The following SHC1 variants were observed in gnomAD, a reference collection of about 807,000 sequenced individuals.
SHC1 encodes SHC adaptor protein 1.
A neutral mutation model predicts 55.9 loss-of-function variants in SHC1; 30 were observed. The ratio of observed to expected loss-of-function variants is 0.54; its 90% confidence interval spans 0.40 to 0.73. The LOEUF (loss-of-function observed/expected upper bound fraction) is 0.73. Among genes scored for constraint, SHC1 ranks in the 30% least tolerant of loss-of-function variants. The pLI is 0.00. For missense variants in SHC1, 675 were observed against 777.1 expected (o/e 0.87, Z 1.56); for synonymous variants, 309 against 306.1 (o/e 1.01, Z -0.10).
intron 2 of SHC1, 44 bp downstream of exon 2, chr1:154,969,334 T>A: frequency 7.3e-7 from 1 of 1,376,386 alleles, no homozygotes; most frequent in Non-Finnish European, 1.0e-6. Context: ...TCCCATGGCC[T>A]CACTAATCCC....
chr1:154,968,618 A>C lies in SHC1; in HGVS notation c.631-4T>G, dbSNP rs553585092. On this transcript the variant is annotated splice_polypyrimidine_tract_variant and splice_region_variant and intron_variant, in intron 3 of 11. Coordinates refer to ENST00000448116, the MANE Select transcript of SHC1 (RefSeq NM_001130040.2). Reference sequence around the variant, plus strand: ...AGCTGAGCGGGCGGCTACAGGGCTAAGGTAGGGCCCAGGGTCTCAGAAGGT... The same window carrying C: ...AGCTGAGCGGGCGGCTACAGGGCTACGGTAGGGCCCAGGGTCTCAGAAGGT... 8.7e-6 allele frequency: 14 copies of C among 1,614,068 alleles called. No homozygotes were observed. The African/African-American group carries it at 1.9e-4, about 22-fold the overall frequency.
At chr1:154,972,164 G>A (rs573096626), upstream of SHC1, among the ~76,000 whole-genome samples, 6 of 151,464 alleles carry the variant, frequency 4.0e-5, no homozygotes, top group South Asian at 1.0e-3. Context: ...AGAATCGCTC[G>A]AACCCAGGAG....
At chr1:154,966,879 G>C (rs1318291439) in intron 7 of SHC1, among the ~76,000 whole-genome samples, 1 of 152,178 alleles carries the variant, frequency 6.6e-6, no homozygotes, top group Non-Finnish European at 1.5e-5. Flanking sequence ...AAGGAGGGAG[G>C]GTTGTTTGAG....
chr1:154,973,026 A>G (rs1443288629), upstream of SHC1, among the ~76,000 whole-genome samples: 4 of 152,262 alleles, frequency 2.6e-5, 1 homozygote, highest in South Asian at 8.3e-4. Context: ...CATGCCACAC[A>G]CCAACAAATC....
In SHC1 at chr1:154,963,741, GAGTT is replaced by G; in HGVS notation, c.*58_*61del. Reference sequence around the variant, plus strand: ...AGAACACTCCCAAACGAGGTCCCGAGAGTTAGGGAATAGGGTGGAAAGGATTGGA... The same window carrying G: ...AGAACACTCCCAAACGAGGTCCCGAGAGGGAATAGGGTGGAAAGGATTGGA... On this transcript the variant is annotated 3_prime_UTR_variant, in exon 12 of 12. Coordinates refer to ENST00000448116, the MANE Select transcript of SHC1 (RefSeq NM_001130040.2). 6.3e-7 allele frequency: 1 copy of G among 1,583,016 alleles called. No individual in the cohort carries two copies. The highest frequency in any genetic ancestry group is 8.7e-7 in the Non-Finnish European group (1 of 1,155,938).
rs748533877 is a variant in SHC1 at position 154,965,792 on chromosome 1, AGAGG to A, written c.1388-15_1388-12del. ...CATCTTCGAAGGGCTCTGGAAGTATAGAGGGAGGGTGAGGGGAAGTAGCAGGCAC... is the reference window on the plus strand; with the variant it reads ...CATCTTCGAAGGGCTCTGGAAGTATAGAGGGTGAGGGGAAGTAGCAGGCAC... On this transcript the variant is annotated splice_polypyrimidine_tract_variant and intron_variant, in intron 10 of 11. Coordinates refer to ENST00000448116, the MANE Select transcript of SHC1 (RefSeq NM_001130040.2). The A allele has an allele frequency of 6.2e-7, 1 of 1,605,546 alleles. No individual in the cohort carries two copies. Among genetic ancestry groups the A allele is most frequent in the Non-Finnish European group, 8.5e-7 (1 of 1,173,402 alleles).
At position 154,963,791 on chromosome 1, in the gene SHC1, C is replaced by T. The variant is rs779768292; in HGVS notation, c.*12G>A. 19 of 1,612,996 alleles carry T rather than the reference C, an allele frequency of 1.2e-5. No homozygotes were observed. Among genetic ancestry groups the T allele is most frequent in the East Asian group, 2.2e-5 (1 of 44,892 alleles). ...TTGGAGGGCATCTTCTGGAAGAGAG[C>T]GCTAGGGCAGATCACAGTTTCCGCT... On this transcript the variant is annotated 3_prime_UTR_variant, in exon 12 of 12. Transcript: ENST00000448116.
rs554456030 is a variant in SHC1 at position 154,968,600 on chromosome 1, C to T, written c.645G>A (p.Pro215=). The T allele has an allele frequency of 3.0e-5, 49 of 1,613,960 alleles. No individual in the cohort carries two copies. Among genetic ancestry groups the T allele is most frequent in the East Asian group, 1.8e-4 (8 of 44,894 alleles). Residue 215 remains proline (P), a synonymous_variant, in exon 4 of 12, where the codon CCG becomes CCA. Transcript: ENST00000448116. Reference sequence around the variant, plus strand: ...TACTCCTCCCCAGGATAGAGCTGAGCGGGCGGCTACAGGGCTAAGGTAGGG... The same window carrying T: ...TACTCCTCCCCAGGATAGAGCTGAGTGGGCGGCTACAGGGCTAAGGTAGGG... The part of the protein sequence containing the change: ...ATRRRKPCSR[P]LSSILGRSNL...
At chr1:154,964,034 G>C (rs1343443672) in intron 11 of SHC1, 103 bp from the exon 12 acceptor site, 2 of 1,284,552 alleles carry the variant, frequency 1.6e-6, no homozygotes, top group Non-Finnish European at 2.3e-6. Flanking sequence ...CTTGAAGGAG[G>C]AGAAAAAAAT....
At chr1:154,972,863 T>C (rs1417651751), upstream of SHC1, among the ~76,000 whole-genome samples, 2 of 151,086 alleles carry the variant, frequency 1.3e-5, no homozygotes, top group Non-Finnish European at 2.9e-5. Flanking sequence ...AGACAAGAAC[T>C]CTGGTTAGGG....
At chr1:154,974,260 G>A, upstream of SHC1, 1 of 220,254 alleles carries the variant, frequency 4.5e-6, no homozygotes, top group South Asian at 5.4e-5. Context: ...GGGCCTCATG[G>A]AGTCTCCGCA....
intron 1 of SHC1, 49 bp from the exon 2 acceptor site, chr1:154,969,497 G>A (rs1221051004): frequency 7.7e-7 from 1 of 1,293,894 alleles, no homozygotes; most frequent in Admixed American, 1.7e-5. Flanking sequence ...CCCCACCCCA[G>A]CCCCTTCACA....
chr1:154,966,423 AG>A lies in SHC1; in HGVS notation c.1077del (p.Leu360TrpfsTer5). The A allele has an allele frequency of 6.2e-7, 1 of 1,612,750 alleles. No homozygotes were observed. The highest frequency in any genetic ancestry group is 8.5e-7 in the Non-Finnish European group (1 of 1,179,014). On this transcript the variant is annotated frameshift_variant, in exon 8 of 12. Transcript: ENST00000448116. LOFTEE classifies it high-confidence loss of function. ...AGCCTCATGTCTACCACCCCCCCCA[AG>A]GGGGGTTCCTTCCCCGGGAAGTCAT... Reference protein sequence around the residue: ...YYNDFPGKEPPLGGVVDMRLR... With the variant: ...YYNDFPGKEPXLGGVVDMRLR...
At position 154,970,644 on chromosome 1, in the gene SHC1, T is replaced by C; in HGVS notation, c.-118A>G. 1 of 656,820 alleles carries C rather than the reference T, an allele frequency of 1.5e-6. No individual in the cohort carries two copies. Among genetic ancestry groups the C allele is most frequent in the Non-Finnish European group, 2.6e-6 (1 of 381,638 alleles). 40.7% of individuals were successfully genotyped at this position (656,820 alleles called of 1,614,324 possible). A position where few individuals can be genotyped will look rare whatever the true frequency, so the allele number is the denominator to read the frequency against. On this transcript the variant is annotated 5_prime_UTR_variant, in exon 1 of 12. Transcript: ENST00000448116. This position sits in a 1 kb window ranked among gnomAD's most constrained non-coding sequence, Gnocchi z 5.5. ...TGGTTGGACCTCTGTGGCCCAGGAG[T>C]CACAGAAGTCCTGGGGAGGGAGAGG... is the stretch of plus-strand genomic sequence containing the variant.
In SHC1 at chr1:154,970,309, G is replaced by A. The variant is rs145849505; in HGVS notation, c.218C>T (p.Pro73Leu). The change falls in exon 1 of 12, where the codon CCG (proline) becomes CTG (leucine). Residue 73 changes from proline (P) to leucine (L), a missense_variant. Transcript: ENST00000448116. The surrounding 1 kb of genome is among the most constrained non-coding windows in gnomAD (Gnocchi z 5.5). ...CTTAGACCCTGGGCGCCCCCCAGCC[G>A]GGTTGGCCAGCCTCAGGTTGCTCAT... ...PRMSNLRLAN[P>L]AGGRPGSKGE... The A allele has an allele frequency of 1.5e-5, 24 of 1,604,932 alleles. No individual in the cohort carries two copies. The African/African-American group carries it at 2.3e-4, about 15-fold the overall frequency.
Position 154,970,508 on chromosome 1 carries a change from T to G in SHC1, c.19A>C (p.Lys7Gln), listed in dbSNP as rs1363296329. Residue 7 changes from lysine to glutamine, a missense_variant, in exon 1 of 12, where the codon AAG (lysine) becomes CAG (glutamine). Coordinates refer to ENST00000448116, the MANE Select transcript of SHC1 (RefSeq NM_001130040.2). This position sits in a 1 kb window ranked among gnomAD's most constrained non-coding sequence, Gnocchi z 5.5. ...TTCCGGAGTGGATTGTACTTGGGCTTGGGGGGCAGGAGATCCATAGTTGAG... is the reference window on the plus strand; with the variant it reads ...TTCCGGAGTGGATTGTACTTGGGCTGGGGGGGCAGGAGATCCATAGTTGAG... MDLLPP[K>Q]PKYNPLRNES... 1.9e-6 allele frequency: 3 copies of G among 1,608,188 alleles called. No homozygotes were observed. Among genetic ancestry groups the G allele is most frequent in the Non-Finnish European group, 2.5e-6 (3 of 1,177,948 alleles).
At chr1:154,966,298 G>A (rs188477253) in intron 8 of SHC1, 21 bp downstream of exon 8, 85 of 1,612,322 alleles carry the variant, frequency 5.3e-5, no homozygotes, top group South Asian at 8.8e-5. Flanking sequence ...GCCCCAGCCC[G>A]CCTCCATCCA....
At position 154,970,276 on chromosome 1, in the gene SHC1, G is replaced by A. The variant is rs948488684; in HGVS notation, c.251C>T (p.Pro84Leu). Residue 84 changes from proline to leucine, a missense_variant, in exon 1 of 12, where the codon CCA (proline) becomes CTA (leucine). Around this residue, in one of 3 missense-constraint regions of SHC1, gnomAD observed 156 missense variants for 159.1 expected, o/e 0.98. Coordinates refer to ENST00000448116, the MANE Select transcript of SHC1 (RefSeq NM_001130040.2). This position sits in a 1 kb window ranked among gnomAD's most constrained non-coding sequence, Gnocchi z 5.5. ...CTCCCCATCATCAGCTGCCCTTCCT[G>A]GCTCCCCCTTAGACCCTGGGCGCCC... ...AGGRPGSKGE[P>L]GRAADDGEGI... is the part of the protein sequence containing the mutation. 12 of 1,609,288 alleles carry A rather than the reference G, an allele frequency of 7.5e-6. No individual in the cohort carries two copies. Among genetic ancestry groups the A allele is most frequent in the Non-Finnish European group, 1.0e-5 (12 of 1,177,122 alleles).
At chr1:154,974,252 G>A (rs532024271), upstream of SHC1, 13 of 203,490 alleles carry the variant, frequency 6.4e-5, no homozygotes, top group Non-Finnish European at 1.1e-4. Context: ...ACTCACCAGG[G>A]CCTCATGGAG....
Sources: gnomAD v4.1 joint callset for allele counts (sites outside exome capture counted in the v4.1 genomes callset) on GRCh38, gnomAD v4.1.1 for gene constraint, gnomAD v4.1.1 regional missense constraint, Gnocchi (gnomAD v3.1) non-coding constraint, MANE v1.5 for transcripts, NCBI Gene and HGNC (gene_info 2026-07-23, HGNC 2026-07-21) for gene names.